Variants in ARHGEF1 observed in about 807,000 individuals in gnomAD.
ARHGEF1 encodes 115 kDa guanine nucleotide exchange factor.
Under a neutral mutation model 119.7 loss-of-function variants are expected in ARHGEF1, and 40 were observed. The ratio of observed to expected loss-of-function variants is 0.33; its 90% CI spans 0.26 to 0.44. The LOEUF (loss-of-function observed/expected upper bound fraction) is 0.44, where lower values mean the gene tolerates loss of function less well. Among genes scored for constraint, ARHGEF1 ranks in the 20% least tolerant of loss-of-function variants. The pLI is 1.00. For missense variants in ARHGEF1, 976 were observed against 1,268.3 expected, an observed-to-expected ratio of 0.77 and a Z score of 3.50; for synonymous variants, 494 against 521.0, an observed-to-expected ratio of 0.95 and a Z score of 0.71.
At position 41,904,896 on chromosome 19, in the gene ARHGEF1, G is replaced by C. The variant is rs1304843567; in HGVS notation, c.2162-53G>C. 6 of 1,490,318 alleles carry C rather than the reference G, an allele frequency of 4.0e-6. No individual in the cohort carries two copies. Among genetic ancestry groups the C allele is most frequent in the African/African-American group, 1.4e-5 (1 of 72,532 alleles). The allele number at this position is 1,490,318 out of a possible 1,614,324, so 92.3% of individuals were successfully genotyped here. ...TTCTCCAGCTTGTGCTTAGGGAGGG[G>C]CAGGCACTGGGGGGACCTGGGCTCT... On this transcript the variant is annotated intron_variant, in intron 22 of 28. Coordinates refer to ENST00000354532, the MANE Select transcript of ARHGEF1 (RefSeq NM_004706.4). The surrounding 1 kb of genome is among the most constrained non-coding windows in gnomAD (Gnocchi z 8.4).
rs540433188 is a variant in ARHGEF1 at position 41,889,753 on chromosome 19, C to G, written c.225+888C>G. The G allele has an allele frequency of 6.6e-6, 1 of 152,358 alleles. No individual in the cohort carries two copies. Among genetic ancestry groups the G allele is most frequent in the East Asian group, 1.9e-4 (1 of 5,186 alleles). 9.4% of individuals were successfully genotyped at this position (152,358 alleles called of 1,614,324 possible). A position where few individuals can be genotyped will look rare whatever the true frequency, so the allele number is the denominator to read the frequency against. ...AGACCAGAGGCTGGTCATCCGGACG[C>G]CAAACCATCAGATATGCAGAAAATT... On this transcript the variant is annotated intron_variant, in intron 4 of 28. Transcript: ENST00000354532. The surrounding 1 kb of genome is among the most constrained non-coding windows in gnomAD (Gnocchi z 4.0).
chr19:41,897,115 C>T (rs1555847942), intron 13 of ARHGEF1: 1 of 378,452 alleles, frequency 2.6e-6, no homozygotes, highest in South Asian at 1.8e-5. Context: ...CCGCCTCGCT[C>T]CTGCCTCCTG....
chr19:41,916,486 CAT>C lies in ARHGEF1; in HGVS notation c.1866-6605_1866-6604del, dbSNP rs1327107170. 1.3e-5 allele frequency among the ~76,000 whole-genome samples: 2 copies of C among 152,084 alleles called. No homozygotes were observed. The highest frequency in any genetic ancestry group is 2.9e-5 in the Non-Finnish European group (2 of 68,020). On this transcript the variant is annotated intron_variant, in intron 18 of 20. Transcript: ENST00000599589. The surrounding 1 kb of genome is among the most constrained non-coding windows in gnomAD (Gnocchi z 5.4). ...ACACACAGTTTTACACAAATACACACATGACACATCAATTCAATCTCACACAG... is the reference window on the plus strand; with the variant it reads ...ACACACAGTTTTACACAAATACACACGACACATCAATTCAATCTCACACAG...
Position 41,927,539 on chromosome 19 carries a change from C to T in ARHGEF1, c.141-1292C>T, listed in dbSNP as rs533717342. Among the ~76,000 whole-genome samples, 30 of 152,236 alleles carry T rather than the reference C, an allele frequency of 2.0e-4. 1 individual carries two copies. The highest frequency in any genetic ancestry group is 1.9e-3 in the Admixed American group (29 of 15,300). On this transcript the variant is annotated intron_variant, in intron 1 of 2. Coordinates refer to the ARHGEF1 transcript ENST00000594417. ...AGTCCTGACTCCCAGCCCCAGTCAG[C>T]TCCCAACCTCAGATATCTAGATCTT...
At chr19:41,918,656 A>C (rs2074818690), upstream of ARHGEF1, among the ~76,000 whole-genome samples, 1 of 149,248 alleles carries the variant, frequency 6.7e-6, no homozygotes, top group South Asian at 2.2e-4. Flanking sequence ...CACACAGTAC[A>C]TACACTACCC....
chr19:41,891,662 T>C (rs1555846217), intron 4 of ARHGEF1, among the ~76,000 whole-genome samples: 1 of 152,176 alleles, frequency 6.6e-6, no homozygotes. Flanking sequence ...ACGGTCCCTA[T>C]GATTGAACAC....
In ARHGEF1 at chr19:41,892,772, T is replaced by A. The variant is rs1366021947; in HGVS notation, c.537T>A (p.Val179=). 3 of 1,605,116 alleles carry A rather than the reference T, an allele frequency of 1.9e-6. No homozygotes were observed. Among genetic ancestry groups the A allele is most frequent in the African/African-American group, 1.3e-5 (1 of 74,840 alleles). The change falls in exon 7 of 29, where the codon GTT becomes GTA. Residue 179 remains valine, a synonymous_variant. Transcript: ENST00000354532. The surrounding 1 kb of genome is among the most constrained non-coding windows in gnomAD (Gnocchi z 6.3). ...AGCTGGCCCAGCTGGAGGCTTGGGT[T>A]GGGCGGGACCGAGCCAGCTACGAGG... ...EQELAQLEAW[V]GRDRASYEAR...
intron 13 of ARHGEF1, chr19:41,897,994 C>T: frequency 7.5e-7 from 1 of 1,327,138 alleles, no homozygotes; most frequent in Non-Finnish European, 9.6e-7. Flanking sequence ...TGAGTGACCG[C>T]CGCCGGCCTT....
At chr19:41,922,709 C>T (rs1555852644), upstream of ARHGEF1, among the ~76,000 whole-genome samples, 2 of 151,774 alleles carry the variant, frequency 1.3e-5, no homozygotes, top group African/African-American at 4.8e-5. Context: ...CCAGGGATCC[C>T]ACAAGGGCCG....
Position 41,906,043 on chromosome 19 carries a change from C to G in ARHGEF1, c.2491+18C>G. The G allele has an allele frequency of 6.2e-7, 1 of 1,612,184 alleles. No individual in the cohort carries two copies. Among genetic ancestry groups the G allele is most frequent in the Non-Finnish European group, 8.5e-7 (1 of 1,178,900 alleles). On this transcript the variant is annotated intron_variant, in intron 26 of 28. Coordinates refer to ENST00000354532, the MANE Select transcript of ARHGEF1 (RefSeq NM_004706.4). The surrounding 1 kb of genome is among the most constrained non-coding windows in gnomAD (Gnocchi z 4.5). ...TCGGAAAGGTAGCCCAGCTCTGCCC[C>G]TCCAGGGTGGCCACCAGCCCAAACA...
At chr19:41,893,123 A>G (rs2074404717) in intron 7 of ARHGEF1, 151 bp from the exon 8 acceptor site, 1 of 1,138,364 alleles carries the variant, frequency 8.8e-7, no homozygotes, top group Non-Finnish European at 1.2e-6. Context: ...CCTCCCTCTT[A>G]TGACAGTCCT....
chr19:41,903,746 C>T lies in ARHGEF1; in HGVS notation c.1879C>T (p.Leu627Phe). Residue 627 changes from leucine to phenylalanine, a missense_variant, in exon 20 of 29, where the codon CTT becomes TTT. Leu to Phe is a conservative substitution (Grantham distance 22, BLOSUM62 0). Around this residue, in one of 3 missense-constraint regions of ARHGEF1, gnomAD observed 286 missense variants for 506.8 expected, o/e 0.56. Coordinates refer to ENST00000354532, the MANE Select transcript of ARHGEF1 (RefSeq NM_004706.4). This position sits in a 1 kb window ranked among gnomAD's most constrained non-coding sequence, Gnocchi z 4.2. The stretch of plus-strand genomic sequence containing the variant: ...TCAGCGGCGCCTGGACTTGTCCCAC[C>T]TTCGGCAGAGCAGCGACCCTATGCT... Reference protein sequence around the residue: ...DYQRRLDLSHLRQSSDPMLSE... With the variant: ...DYQRRLDLSHFRQSSDPMLSE... 2 of 1,613,262 alleles carry T rather than the reference C, an allele frequency of 1.2e-6. No individual in the cohort carries two copies. Among genetic ancestry groups the T allele is most frequent in the Non-Finnish European group, 1.7e-6 (2 of 1,180,022 alleles).
chr19:41,884,383 G>A (rs533580801), intron 1 of ARHGEF1: 8 of 1,567,566 alleles, frequency 5.1e-6, no homozygotes, highest in Middle Eastern at 1.9e-4. Context: ...CGCAAAGGTG[G>A]ACTCAGGGCG....
chr19:41,907,551 C>T, downstream of ARHGEF1: 1 of 704,382 alleles, frequency 1.4e-6, no homozygotes, highest in Non-Finnish European at 2.3e-6. Flanking sequence ...TCTGCGCCTC[C>T]CTCCAGTTGT....
chr19:41,897,950 T>C, intron 13 of ARHGEF1: 1 of 1,306,854 alleles, frequency 7.7e-7, no homozygotes, highest in Non-Finnish European at 9.7e-7. Context: ...GTCCAGGCTA[T>C]CAGGGCGTCT....
intron 12 of ARHGEF1, among the ~76,000 whole-genome samples, chr19:41,895,835 C>T (rs1555847442): frequency 6.6e-6 from 1 of 152,162 alleles, no homozygotes; most frequent in Non-Finnish European, 1.5e-5. Context: ...GGTGGGGAGC[C>T]CGCCAGCCCC....
downstream of ARHGEF1, chr19:41,909,763 T>C: frequency 6.0e-6 from 8 of 1,322,896 alleles, no homozygotes; most frequent in Non-Finnish European, 8.2e-6. The surrounding 1 kb of genome is among the most constrained non-coding windows in gnomAD (Gnocchi z 5.2). Context: ...CTGTGCCTTG[T>C]GGGATCCAGC....
At chr19:41,921,254 G>C (rs371323901), upstream of ARHGEF1, among the ~76,000 whole-genome samples, 1 of 152,164 alleles carries the variant, frequency 6.6e-6, no homozygotes, top group Admixed American at 6.5e-5. The surrounding 1 kb of genome is among the most constrained non-coding windows in gnomAD (Gnocchi z 4.4). Context: ...AGGTTGGGGT[G>C]GGGGGCACAG....
chr19:41,906,230 C>G lies in ARHGEF1; in HGVS notation c.2491+205C>G. ...ATCCCTTGCTTGATTCTATATTTAG[C>G]CTCTTCCTGAACACATCTCTGTCTT... is the stretch of plus-strand genomic sequence containing the variant. On this transcript the variant is annotated intron_variant, in intron 26 of 28. Coordinates refer to ENST00000354532, the MANE Select transcript of ARHGEF1 (RefSeq NM_004706.4). The surrounding 1 kb of genome is among the most constrained non-coding windows in gnomAD (Gnocchi z 4.5). 1.5e-6 allele frequency: 1 copy of G among 663,714 alleles called. No individual in the cohort carries two copies. The highest frequency in any genetic ancestry group is 2.6e-6 in the Non-Finnish European group (1 of 385,522). 41.1% of individuals were successfully genotyped at this position (663,714 alleles called of 1,614,324 possible).
Sources: allele counts gnomAD v4.1 joint callset (sites outside exome capture counted in the v4.1 genomes callset), GRCh38; gene constraint gnomAD v4.1.1; regional missense constraint gnomAD v4.1.1; non-coding constraint Gnocchi (gnomAD v3.1); transcripts MANE v1.5; gene names NCBI Gene and HGNC (gene_info 2026-07-23, HGNC 2026-07-21).